GABRB1: variants seen among roughly 807,000 people sequenced by gnomAD.
GABRB1 encodes gamma-aminobutyric acid receptor subunit beta-1.
GABRB1 carries 17 observed loss-of-function variants against 51.6 expected under a neutral mutation model. That is an observed-to-expected ratio of 0.33 (90% CI 0.23 to 0.49). The LOEUF (loss-of-function observed/expected upper bound fraction) is 0.49. GABRB1 is among the 20% of genes least tolerant of loss of function. The probability of loss-of-function intolerance (pLI) is 0.99; values close to 1 mark genes in which losing one functional copy is unlikely to be tolerated. For missense variants in GABRB1, 410 were observed against 600.6 expected, an observed-to-expected ratio of 0.68 and a Z score of 3.32; for synonymous variants, 247 against 218.9, an observed-to-expected ratio of 1.13 and a Z score of -1.14.
Position 47,425,853 on chromosome 4 carries a change from G to C in GABRB1, c.1260G>C (p.Arg420=). Residue 420 remains arginine (R), a synonymous_variant, in exon 9 of 9, where the codon CGG becomes CGC. Transcript: ENST00000295454. ...AGGCCTACGGGCGCGCCCTGGACCG[G>C]CACGGGGTACCCAGCAAGGGGCGCA... ...SREAYGRALD[R]HGVPSKGRIR... is the part of the protein sequence containing the mutation. 5 of 1,614,074 alleles carry C rather than the reference G, an allele frequency of 3.1e-6. No homozygotes were observed. The East Asian group carries it at 8.9e-5, about 29-fold the overall frequency.
At chr4:47,309,117 TA>T (rs1489704276) in intron 4 of GABRB1, among the ~76,000 whole-genome samples, 1 of 152,108 alleles carries the variant, frequency 6.6e-6, no homozygotes, top group Non-Finnish European at 1.5e-5. Context: ...TTCATAGACA[TA>T]TGTGTATAAT....
At chr4:47,093,457 C>T (rs985825806) in intron 3 of GABRB1, among the ~76,000 whole-genome samples, 6 of 152,130 alleles carry the variant, frequency 3.9e-5, no homozygotes, top group Non-Finnish European at 8.8e-5. Flanking sequence ...CTCCTCCTCC[C>T]CAAAACAAAA....
intron 4 of GABRB1, among the ~76,000 whole-genome samples, chr4:47,245,634 C>T (rs1049705928): frequency 6.6e-6 from 1 of 152,014 alleles, no homozygotes; most frequent in Non-Finnish European, 1.5e-5. Flanking sequence ...TAGGAAGCTA[C>T]AGTGTGCTTG....
intron 4 of GABRB1, among the ~76,000 whole-genome samples, chr4:47,283,355 C>CTTT (rs1723367330): frequency 8.3e-6 from 1 of 120,682 alleles, no homozygotes; most frequent in Non-Finnish European, 1.7e-5. Flanking sequence ...CCTGGTGGCC[C>CTTT]CTTTTTTTTT....
chr4:47,242,936 G>C (rs761062295), intron 4 of GABRB1, among the ~76,000 whole-genome samples: 1 of 152,212 alleles, frequency 6.6e-6, no homozygotes, highest in Admixed American at 6.5e-5. Context: ...ATTGCTTTTC[G>C]TGTTTTAGAC....
chr4:47,208,346 G>C (rs541537310), intron 4 of GABRB1, among the ~76,000 whole-genome samples: 1 of 152,158 alleles, frequency 6.6e-6, no homozygotes, highest in South Asian at 2.1e-4. Context: ...ATGGGGAATG[G>C]GGAATTAATG....
chr4:47,294,265 G>C (rs1212529079), intron 4 of GABRB1, among the ~76,000 whole-genome samples: 2 of 152,116 alleles, frequency 1.3e-5, no homozygotes, highest in African/African-American at 2.4e-5. Flanking sequence ...CAGGACAGTG[G>C]GTGCAGTGCA....
intron 4 of GABRB1, among the ~76,000 whole-genome samples, chr4:47,188,207 A>G (rs1224853408): frequency 1.3e-5 from 2 of 151,992 alleles, no homozygotes; most frequent in African/African-American, 4.8e-5. Flanking sequence ...ATGGTACAAA[A>G]TATAAAACTG....
At chr4:47,316,221 T>G (rs1009465866) in intron 4 of GABRB1, among the ~76,000 whole-genome samples, 2 of 151,908 alleles carry the variant, frequency 1.3e-5, no homozygotes, top group African/African-American at 2.4e-5. Context: ...ATATACTATA[T>G]GCTTATTTTT....
chr4:47,075,889 T>C (rs1280376843), intron 3 of GABRB1, among the ~76,000 whole-genome samples: 1 of 152,152 alleles, frequency 6.6e-6, no homozygotes, highest in Non-Finnish European at 1.5e-5. Context: ...CCTGGCTACC[T>C]AGACCCCTTT....
At chr4:47,321,237 G>A (rs2109964036) in intron 5 of GABRB1, among the ~76,000 whole-genome samples, 1 of 152,242 alleles carries the variant, frequency 6.6e-6, no homozygotes, top group East Asian at 1.9e-4. Flanking sequence ...ATACTTTCTA[G>A]ATCTAAACAT....
chr4:47,303,304 A>C (rs574621180), intron 4 of GABRB1, among the ~76,000 whole-genome samples: 1 of 152,018 alleles, frequency 6.6e-6, no homozygotes, highest in South Asian at 2.1e-4. Flanking sequence ...TTAATCTTTA[A>C]TAAAGAACAA....
At chr4:47,217,446 TA>T (rs1381253705) in intron 4 of GABRB1, among the ~76,000 whole-genome samples, 1 of 151,790 alleles carries the variant, frequency 6.6e-6, no homozygotes, top group Non-Finnish European at 1.5e-5. Context: ...CCTGAGAGAT[TA>T]AAAACTCTCA....
chr4:46,999,034 G>A (rs1021378962), intron 1 of GABRB1, among the ~76,000 whole-genome samples: 2 of 152,106 alleles, frequency 1.3e-5, no homozygotes, highest in Admixed American at 6.6e-5. Context: ...TGGTATGTGC[G>A]AATTTTTAGT....
At chr4:47,256,077 G>T (rs1255719666) in intron 4 of GABRB1, among the ~76,000 whole-genome samples, 1 of 152,224 alleles carries the variant, frequency 6.6e-6, no homozygotes, top group Non-Finnish European at 1.5e-5. Flanking sequence ...AAGCCTGGTT[G>T]ACCATCTGAG....
At chr4:47,163,701 A>G (rs546824924) in intron 4 of GABRB1, among the ~76,000 whole-genome samples, 76 of 152,044 alleles carry the variant, frequency 5.0e-4, no homozygotes, top group Non-Finnish European at 7.6e-4. Flanking sequence ...TTTTAAAGAA[A>G]AAAGAAACTT....
intron 4 of GABRB1, among the ~76,000 whole-genome samples, chr4:47,276,664 T>G (rs752159130): frequency 6.6e-6 from 1 of 152,200 alleles, no homozygotes; most frequent in Non-Finnish European, 1.5e-5. Flanking sequence ...TACTCCATTT[T>G]TAAGTACCAG....
At chr4:47,169,504 C>CT (rs33940206) in intron 4 of GABRB1, among the ~76,000 whole-genome samples, 2,054 of 143,502 alleles carry the variant, frequency 0.014, 22 homozygotes, top group Admixed American at 0.02. Flanking sequence ...GTGGAAGGCA[C>CT]TTTTTTTTTT....
rs1578024460 is a variant in GABRB1, at chr4:47,238,962, A to T, written c.461+77493A>T. Among the ~76,000 whole-genome samples the T allele has an allele frequency of 5.9e-5, 9 of 152,358 alleles. No homozygotes were observed. In the South Asian group the frequency reaches 1.9e-3, roughly 32 times the overall value. ...TTGAAAATGTTAGTTGAGGACAGACATTCATGGTCAATGACTAAATTTATG... is the reference window on the plus strand; with the variant it reads ...TTGAAAATGTTAGTTGAGGACAGACTTTCATGGTCAATGACTAAATTTATG... On this transcript the variant is annotated intron_variant, in intron 4 of 8. Transcript: ENST00000295454.
Sources: gnomAD v4.1 joint callset for allele counts (sites outside exome capture counted in the v4.1 genomes callset) on GRCh38, gnomAD v4.1.1 for gene constraint, MANE v1.5 for transcripts, NCBI Gene and HGNC (gene_info 2026-07-23, HGNC 2026-07-21) for gene names.